Variants in PRDM5 observed in about 807,000 individuals in gnomAD.
The protein encoded by PRDM5 is PR/SET domain 5, also known as PR domain zinc finger protein 5.
In PRDM5, 56 loss-of-function variants were observed where a neutral mutation model predicts 81.2. The ratio of observed to expected loss-of-function variants is 0.69; its 90% CI spans 0.56 to 0.86. The LOEUF (loss-of-function observed/expected upper bound fraction) is 0.86, where lower values mean the gene tolerates loss of function less well. Among genes scored for constraint, PRDM5 ranks in the 40% least tolerant of loss-of-function variants. The pLI is 0.00. For missense variants in PRDM5, 697 were observed against 770.1 expected, an observed-to-expected ratio of 0.91 and a Z score of 1.12; for synonymous variants, 267 against 256.4, an observed-to-expected ratio of 1.04 and a Z score of -0.39.
chr4:120,919,435 C>T (rs1724618216), intron 1 of PRDM5, among the ~76,000 whole-genome samples: 1 of 152,154 alleles, frequency 6.6e-6, no homozygotes, highest in Non-Finnish European at 1.5e-5. Flanking sequence ...GGAAAGAAAG[C>T]TGAGAGCAGT....
chr4:120,734,322 G>A (rs978515295), intron 14 of PRDM5, among the ~76,000 whole-genome samples: 1 of 151,580 alleles, frequency 6.6e-6, no homozygotes, highest in Non-Finnish European at 1.5e-5. Context: ...AGCCATACAT[G>A]GGATGCATTA....
At chr4:120,837,398 G>T (rs1008573947) in intron 3 of PRDM5, 1 of 152,098 alleles carries the variant, frequency 6.6e-6, no homozygotes, top group African/African-American at 2.4e-5. Context: ...TTCCCTATGG[G>T]TTCTAGATTA....
Position 120,697,960 on chromosome 4 carries a change from AAAT to A in PRDM5, c.1729-2688_1729-2686del, listed in dbSNP as rs1197566729. ...TATTAATAAGTATACAAATAAAATAAAATAAAAAAAAAGAAAATGTCAATAGAT... is the reference window on the plus strand; with the variant it reads ...TATTAATAAGTATACAAATAAAATAAAAAAAAAAAGAAAATGTCAATAGAT... On this transcript the variant is annotated intron_variant, in intron 15 of 15. Coordinates refer to ENST00000264808, the MANE Select transcript of PRDM5 (RefSeq NM_018699.4). Among the ~76,000 whole-genome samples, 14 of 63,418 alleles carry A rather than the reference AAAT, an allele frequency of 2.2e-4. No homozygotes were observed. The East Asian group carries it at 3.7e-3, about 17-fold the overall frequency. 41.6% of individuals were successfully genotyped at this position (63,418 alleles called of 152,430 possible). A position where few individuals can be genotyped will look rare whatever the true frequency, so the allele number is the denominator to read the frequency against.
intron 2 of PRDM5, among the ~76,000 whole-genome samples, chr4:120,885,134 C>CAAAAAAAAAAA (rs60623556): frequency 1.8e-4 from 9 of 50,696 alleles, no homozygotes; most frequent in Admixed American, 2.3e-4. Context: ...GACTCCGTAT[C>CAAAAAAAAAAA]AAAAAAAAAA....
rs1432417645 is a variant in PRDM5, at chr4:120,692,671, G to C, written c.*2440C>G. 6.6e-6 allele frequency: 1 copy of C among 152,004 alleles called. No homozygotes were observed. Among genetic ancestry groups the C allele is most frequent in the African/African-American group, 2.4e-5 (1 of 41,404 alleles). The allele number at this position is 152,004 out of a possible 1,614,324, so 9.4% of individuals were successfully genotyped here. On this transcript the variant is annotated 3_prime_UTR_variant, in exon 16 of 16. Transcript: ENST00000264808. ...TTAAATTTACTTAGCCAATTTCTAA[G>C]TCTCAATTACTTAGACTTTATAGGC...
chr4:120,751,570 A>C (rs1744005550), intron 14 of PRDM5, among the ~76,000 whole-genome samples: 1 of 152,214 alleles, frequency 6.6e-6, no homozygotes, highest in African/African-American at 2.4e-5. Flanking sequence ...AGCTGCAAAA[A>C]TACAATGAAA....
chr4:120,901,332 C>T (rs1375262182), intron 2 of PRDM5, among the ~76,000 whole-genome samples: 1 of 152,138 alleles, frequency 6.6e-6, no homozygotes, highest in Non-Finnish European at 1.5e-5. Context: ...ATAATTTGAT[C>T]CTCTGGATTT....
At chr4:120,781,016 C>G in intron 12 of PRDM5, 127 bp downstream of exon 12, 2 of 846,546 alleles carry the variant, frequency 2.4e-6, no homozygotes, top group South Asian at 3.5e-5. Context: ...TGATATAAAT[C>G]ATGCATTTGT....
chr4:120,816,503 C>T lies in PRDM5; in HGVS notation c.815G>A (p.Arg272Lys). The T allele has an allele frequency of 2.5e-6, 4 of 1,614,182 alleles. No homozygotes were observed. The highest frequency in any genetic ancestry group is 2.5e-6 in the Non-Finnish European group (3 of 1,180,040). The stretch of plus-strand genomic sequence containing the variant: ...TTTCAGGGCATCCTTGCTCTTCAGC[C>T]TCTTTCCACAGCTGTCAGCCTTGCA... ...FVCKADSCGK[R>K]LKSKDALKRH... Residue 272 changes from arginine (R) to lysine (K), a missense_variant, in exon 7 of 16, where the codon AGG becomes AAG. Physicochemically the swap from Arg to Lys is conservative, Grantham distance 26. Coordinates refer to ENST00000264808, the MANE Select transcript of PRDM5 (RefSeq NM_018699.4).
At chr4:120,845,637 CAAG>C (rs920917623) in intron 3 of PRDM5, among the ~76,000 whole-genome samples, 1 of 152,142 alleles carries the variant, frequency 6.6e-6, no homozygotes, top group Admixed American at 6.5e-5. Context: ...ATGGAGTGTT[CAAG>C]AAGATGAATG....
At chr4:120,712,067 T>C (rs1737072029) in intron 14 of PRDM5, among the ~76,000 whole-genome samples, 1 of 152,010 alleles carries the variant, frequency 6.6e-6, no homozygotes, top group African/African-American at 2.4e-5. Flanking sequence ...GGACGAATTA[T>C]CTGAGGTCAG....
rs373685451 is a variant in PRDM5 at position 120,824,042 on chromosome 4, C to A, written c.301-2697G>T. On this transcript the variant is annotated intron_variant, in intron 3 of 15. Transcript: ENST00000264808. ...TACCTTCCACCATGAGTAGAAGGAG[C>A]CTGAAGCCATCACCAGAAGCAGATG... 7.2e-4 allele frequency among the ~76,000 whole-genome samples: 110 copies of A among 152,258 alleles called. 2 individuals carry two copies. The highest frequency in any genetic ancestry group is 2.6e-3 in the African/African-American group (107 of 41,534).
At chr4:120,730,934 G>A (rs1344635791) in intron 14 of PRDM5, among the ~76,000 whole-genome samples, 1 of 152,256 alleles carries the variant, frequency 6.6e-6, no homozygotes, top group South Asian at 2.1e-4. Flanking sequence ...CCAAGCCAGA[G>A]AGACGAAGTT....
chr4:120,757,321 T>C (rs183584325), intron 13 of PRDM5, among the ~76,000 whole-genome samples: 18 of 152,318 alleles, frequency 1.2e-4, no homozygotes, highest in African/African-American at 4.3e-4. Context: ...CATCCAGCTG[T>C]AACTCTGACA....
intron 3 of PRDM5, among the ~76,000 whole-genome samples, chr4:120,826,984 T>C (rs778885494): frequency 3.3e-5 from 5 of 152,178 alleles, no homozygotes; most frequent in Non-Finnish European, 5.9e-5. Flanking sequence ...TCTGTACACA[T>C]AAATATAATT....
intron 14 of PRDM5, among the ~76,000 whole-genome samples, chr4:120,737,145 C>A: frequency 6.6e-6 from 1 of 152,112 alleles, no homozygotes; most frequent in East Asian, 1.9e-4. Context: ...ATCAGAGGAT[C>A]ACAGATCTCT....
intron 14 of PRDM5, among the ~76,000 whole-genome samples, chr4:120,743,894 A>G (rs1470485065): frequency 6.6e-6 from 1 of 151,318 alleles, no homozygotes; most frequent in Non-Finnish European, 1.5e-5. Context: ...TAACAAGGAT[A>G]CCCAGGAATT....
chr4:120,739,601 A>G (rs1396584453), intron 14 of PRDM5, among the ~76,000 whole-genome samples: 1 of 152,094 alleles, frequency 6.6e-6, no homozygotes, highest in Non-Finnish European at 1.5e-5. Context: ...TTCCACAAAG[A>G]CTTTTGTCTA....
At chr4:120,797,663 T>A (rs1751521872) in intron 10 of PRDM5, among the ~76,000 whole-genome samples, 1 of 152,184 alleles carries the variant, frequency 6.6e-6, no homozygotes, top group Non-Finnish European at 1.5e-5. Flanking sequence ...AAAACCATTC[T>A]GGGGCATGCT....
Sources: allele counts gnomAD v4.1 joint callset (sites outside exome capture counted in the v4.1 genomes callset), GRCh38; gene constraint gnomAD v4.1.1; transcripts MANE v1.5; gene names NCBI Gene and HGNC (gene_info 2026-07-23, HGNC 2026-07-21).